The following NCBP1 variants were observed in gnomAD, a reference collection of about 807,000 sequenced individuals.
NCBP1 encodes nuclear cap-binding protein subunit 1.
In NCBP1, 16 loss-of-function variants were observed where a neutral mutation model predicts 111.7. That is an observed-to-expected ratio of 0.14 (90% CI 0.10 to 0.22). NCBP1 has a LOEUF of 0.22. Ranked by LOEUF, NCBP1 falls within the 10% of genes least tolerant of loss-of-function variation. The pLI is 1.00. For synonymous variants in NCBP1, 304 were observed against 314.3 expected (o/e 0.97, Z 0.35); for missense variants, 607 against 957.5 (o/e 0.63, Z 4.83).
chr9:97,639,927 T>C (rs1587995374), intron 1 of NCBP1, among the ~76,000 whole-genome samples: 2 of 148,046 alleles, frequency 1.4e-5, no homozygotes, highest in South Asian at 4.3e-4. Context: ...GATTTTAGAA[T>C]GGTAGATTTA....
intron 6 of NCBP1, among the ~76,000 whole-genome samples, chr9:97,646,008 TTCCTCAAA>T (rs1400927044): frequency 6.6e-6 from 1 of 152,208 alleles, no homozygotes; most frequent in Non-Finnish European, 1.5e-5. Context: ...AGTGCAATAG[TTCCTCAAA>T]TATTAGTGTG....
At chr9:97,648,289 C>T in intron 8 of NCBP1, 66 bp downstream of exon 8, 1 of 1,405,530 alleles carries the variant, frequency 7.1e-7, no homozygotes, top group Non-Finnish European at 1.0e-6. Context: ...GTTAATCCCG[C>T]TTGAATTATG....
In NCBP1 at chr9:97,673,213, G is replaced by A. The variant is rs1403353619; in HGVS notation, c.*2014G>A. On this transcript the variant is annotated 3_prime_UTR_variant, in exon 23 of 23. Transcript: ENST00000375147. ...TTGGTAAGTCAGCAGTGGGCTATTG[G>A]TGGTTAAGTTTTGGGGGAGTCAAAA... 6.6e-6 allele frequency: 1 copy of A among 152,224 alleles called. No individual in the cohort carries two copies. Among genetic ancestry groups the A allele is most frequent in the African/African-American group, 2.4e-5 (1 of 41,440 alleles). The allele number at this position is 152,224 out of a possible 1,614,324, so 9.4% of individuals were successfully genotyped here. A position where few individuals can be genotyped will look rare whatever the true frequency, so the allele number is the denominator to read the frequency against.
At chr9:97,664,133 C>G (rs1030994735) in intron 18 of NCBP1, among the ~76,000 whole-genome samples, 5 of 151,964 alleles carry the variant, frequency 3.3e-5, no homozygotes, top group African/African-American at 4.8e-5. Context: ...GAGCTGAGAT[C>G]GTGCCACTCC....
chr9:97,668,426 G>C (rs1019922628), intron 20 of NCBP1, among the ~76,000 whole-genome samples: 3 of 152,194 alleles, frequency 2.0e-5, no homozygotes, highest in Non-Finnish European at 4.4e-5. Flanking sequence ...TATGTCGGCT[G>C]GAGCCATTTC....
intron 8 of NCBP1, among the ~76,000 whole-genome samples, chr9:97,649,801 G>A (rs1588002769): frequency 6.9e-6 from 1 of 145,916 alleles, no homozygotes; most frequent in African/African-American, 2.5e-5. Flanking sequence ...TCCTGAATTT[G>A]TATTTAATTG....
chr9:97,639,565 A>G (rs1004035764), intron 1 of NCBP1, among the ~76,000 whole-genome samples: 3 of 152,120 alleles, frequency 2.0e-5, no homozygotes, highest in Non-Finnish European at 2.9e-5. Context: ...CATATATCCA[A>G]CTGCAGATTT....
At chr9:97,669,070 A>C in intron 21 of NCBP1, 96 bp downstream of exon 21, 1 of 1,340,592 alleles carries the variant, frequency 7.5e-7, no homozygotes, top group East Asian at 2.4e-5. Context: ...AAAGGAATAC[A>C]CATTCATTTA....
intron 15 of NCBP1, 40 bp from the exon 16 acceptor site, chr9:97,660,906 C>A: frequency 6.4e-7 from 1 of 1,571,384 alleles, no homozygotes; most frequent in South Asian, 1.2e-5. Flanking sequence ...AGTCTTGAAA[C>A]CTGATCTGTC....
chr9:97,663,256 A>G (rs1250892353), intron 18 of NCBP1, among the ~76,000 whole-genome samples: 2 of 152,210 alleles, frequency 1.3e-5, no homozygotes, highest in South Asian at 2.1e-4. Flanking sequence ...GTTTTGAACT[A>G]TAATATCTCA....
intron 3 of NCBP1, among the ~76,000 whole-genome samples, chr9:97,642,651 A>T (rs1006839106): frequency 2.0e-5 from 3 of 152,128 alleles, no homozygotes; most frequent in East Asian, 1.9e-4. Context: ...GTATGTTTTT[A>T]AAAAATTCAA....
rs1419445813 is a variant in NCBP1 at position 97,672,312 on chromosome 9, TTTC to T, written c.*1116_*1118del. On this transcript the variant is annotated 3_prime_UTR_variant, in exon 23 of 23. Transcript: ENST00000375147. ...CATTTGCACAAAATAGGTATAATTT[TTTC>T]TTATTACATCCCAAGTTTATGATGC... is the stretch of plus-strand genomic sequence containing the variant. 2.8e-4 allele frequency: 42 copies of T among 152,222 alleles called. No individual in the cohort carries two copies. The highest frequency in any genetic ancestry group is 9.6e-4 in the African/African-American group (40 of 41,464). The allele number at this position is 152,222 out of a possible 1,614,324, so 9.4% of individuals were successfully genotyped here.
intron 22 of NCBP1, chr9:97,669,968 G>A (rs1587730550): frequency 4.1e-6 from 2 of 487,218 alleles, no homozygotes; most frequent in East Asian, 8.4e-5. Flanking sequence ...TGTTGCCCAG[G>A]CTGGAGTTCA....
Position 97,671,119 on chromosome 9 carries a change from C to T in NCBP1, c.2293C>T (p.Leu765=). 6.2e-7 allele frequency: 1 copy of T among 1,613,432 alleles called. No individual in the cohort carries two copies. Among genetic ancestry groups the T allele is most frequent in the Non-Finnish European group, 8.5e-7 (1 of 1,179,398 alleles). Residue 765 remains leucine, a synonymous_variant, in exon 23 of 23, where the codon CTG becomes TTG. Transcript: ENST00000375147. Reference sequence around the variant, plus strand: ...AATAATCCAGCAGTACATGGTGACCCTGGAGAACCTTCTCTTCACTGCTGA... The same window carrying T: ...AATAATCCAGCAGTACATGGTGACCTTGGAGAACCTTCTCTTCACTGCTGA... ...HQIIQQYMVT[L]ENLLFTAELD...
chr9:97,634,120 G>C lies in NCBP1; in HGVS notation c.34+205G>C, dbSNP rs186062337. On this transcript the variant is annotated intron_variant, in intron 1 of 22. Coordinates refer to ENST00000375147, the MANE Select transcript of NCBP1 (RefSeq NM_002486.5). ...CCCCCGCCCCAGTTCTTTGAGTCAA[G>C]GGCCGATCCTCGGGAAAGAAGGCCT... 2.6e-5 allele frequency among the ~76,000 whole-genome samples: 4 copies of C among 152,374 alleles called. No individual in the cohort carries two copies. The East Asian group carries it at 5.8e-4, about 22-fold the overall frequency.
chr9:97,634,011 C>A (rs1242516198), intron 1 of NCBP1, 96 bp downstream of exon 1: 9 of 1,359,024 alleles, frequency 6.6e-6, no homozygotes, highest in Non-Finnish European at 8.8e-6. Context: ...AAGCTCTTCT[C>A]CCCGGGAACG....
In NCBP1 at chr9:97,651,602, A is replaced by T. The variant is rs570887575; in HGVS notation, c.1059+229A>T. ...AGCCAAATGGAATTTTGAATTGCCT[A>T]TAAGTTATTTATATAGTATGTCTTC... On this transcript the variant is annotated intron_variant, in intron 10 of 22. Transcript: ENST00000375147. Among the ~76,000 whole-genome samples, 133 of 152,364 alleles carry T rather than the reference A, an allele frequency of 8.7e-4. No individual in the cohort carries two copies. In the South Asian group the frequency reaches 9.7e-3, roughly 11 times the overall value.
At chr9:97,639,800 A>G (rs1827152995) in intron 1 of NCBP1, among the ~76,000 whole-genome samples, 1 of 152,188 alleles carries the variant, frequency 6.6e-6, no homozygotes, top group South Asian at 2.1e-4. Flanking sequence ...CTTTAAACAA[A>G]GTGGTAAGAG....
At chr9:97,645,022 T>A in intron 4 of NCBP1, 95 bp from the exon 5 acceptor site, 1 of 911,090 alleles carries the variant, frequency 1.1e-6, no homozygotes, top group Non-Finnish European at 1.7e-6. Flanking sequence ...GCTATAGTTT[T>A]TTAGACCAAT....
Sources: gnomAD v4.1 joint callset for allele counts (sites outside exome capture counted in the v4.1 genomes callset) on GRCh38, gnomAD v4.1.1 for gene constraint, MANE v1.5 for transcripts, NCBI Gene and HGNC (gene_info 2026-07-23, HGNC 2026-07-21) for gene names.